Variants in VASP observed in about 807,000 individuals in gnomAD.
VASP encodes vasodilator-stimulated phosphoprotein.
VASP carries 27 observed loss-of-function variants against 54.4 expected under a neutral mutation model. The observed-to-expected ratio is 0.50, with a 90% CI of 0.37 to 0.68. VASP has a LOEUF of 0.68. VASP is among the 30% of genes least tolerant of loss of function. VASP has a pLI of 0.00. For missense variants in VASP, 488 were observed against 528.3 expected, an observed-to-expected ratio of 0.92 and a Z score of 0.75; for synonymous variants, 233 against 209.8, an observed-to-expected ratio of 1.11 and a Z score of -0.96.
At chr19:45,521,256 G>C (rs1599937241) in intron 3 of VASP, 66 bp from the exon 4 acceptor site, 2 of 1,464,858 alleles carry the variant, frequency 1.4e-6, no homozygotes, top group East Asian at 2.5e-5. Context: ...GGGAGAGCAA[G>C]GGAAGCGCCA....
intron 1 of VASP, among the ~76,000 whole-genome samples, chr19:45,513,519 T>C (rs917291306): frequency 1.0e-4 from 15 of 143,686 alleles, no homozygotes; most frequent in Admixed American, 2.2e-4. Flanking sequence ...TCTCCCAGAC[T>C]GGAGTGCAGT....
At chr19:45,508,614 G>C (rs892828685) in intron 1 of VASP, among the ~76,000 whole-genome samples, 1 of 152,148 alleles carries the variant, frequency 6.6e-6, no homozygotes, top group African/African-American at 2.4e-5. Context: ...CAGCTGGTGT[G>C]GGGGGCGGGC....
rs1968514285 is a variant in VASP at position 45,507,702 on chromosome 19, C to G, written c.-70C>G. ...CGAGCCCGGAGCCAGCCCCGAACCC[C>G]TGAACCTCCAGCCAGGGGCGCCCCG... On this transcript the variant is annotated 5_prime_UTR_variant, in exon 1 of 13. Coordinates refer to ENST00000245932, the MANE Select transcript of VASP (RefSeq NM_003370.4). The surrounding 1 kb of genome is among the most constrained non-coding windows in gnomAD (Gnocchi z 4.4). The G allele has an allele frequency of 6.6e-7, 1 of 1,514,198 alleles. No individual in the cohort carries two copies. Among genetic ancestry groups the G allele is most frequent in the African/African-American group, 1.4e-5 (1 of 69,894 alleles). The allele number at this position is 1,514,198 out of a possible 1,614,324, so 93.8% of individuals were successfully genotyped here. A position where few individuals can be genotyped will look rare whatever the true frequency, so the allele number is the denominator to read the frequency against.
At chr19:45,510,084 T>G (rs530594260) in intron 1 of VASP, among the ~76,000 whole-genome samples, 1 of 152,272 alleles carries the variant, frequency 6.6e-6, no homozygotes, top group Admixed American at 6.5e-5. Flanking sequence ...AGAAGGGACT[T>G]GGGGAGAACT....
rs777536432 is a variant in VASP, at chr19:45,522,356, C to T, written c.495C>T (p.Pro165=). ...TTGTTTCAGGAGGCCCACCTGCTCC[C>T]CCCGCTGGGGGTCCACCCCCACCAC... The part of the protein sequence containing the change: ...RVSNAGGPPA[P]PAGGPPPPPG... The change falls in exon 6 of 13, where the codon CCC becomes CCT. Residue 165 remains proline (P), a synonymous_variant. Coordinates refer to ENST00000245932, the MANE Select transcript of VASP (RefSeq NM_003370.4). The T allele has an allele frequency of 4.4e-6, 7 of 1,582,140 alleles. No homozygotes were observed. Among genetic ancestry groups the T allele is most frequent in the African/African-American group, 2.7e-5 (2 of 74,130 alleles).
intron 3 of VASP, 39 bp downstream of exon 3, chr19:45,518,133 G>C (rs763672299): frequency 6.3e-7 from 1 of 1,596,532 alleles, no homozygotes; most frequent in African/African-American, 1.3e-5. Context: ...CAGTGAATGC[G>C]GCTGTGTGGC....
chr19:45,507,688 CCA>C lies in VASP; in HGVS notation c.-83_-82del. 1 of 1,497,880 alleles carries C rather than the reference CCA, an allele frequency of 6.7e-7. No homozygotes were observed. The highest frequency in any genetic ancestry group is 2.7e-5 in the East Asian group (1 of 37,370). 92.8% of individuals were successfully genotyped at this position (1,497,880 alleles called of 1,614,324 possible). A position where few individuals can be genotyped will look rare whatever the true frequency, so the allele number is the denominator to read the frequency against. On this transcript the variant is annotated 5_prime_UTR_variant, in exon 1 of 13. Transcript: ENST00000245932. This position sits in a 1 kb window ranked among gnomAD's most constrained non-coding sequence, Gnocchi z 4.4. The stretch of plus-strand genomic sequence containing the variant: ...GGGGGAGCCTGAGCCGAGCCCGGAG[CCA>C]GCCCCGAACCCCTGAACCTCCAGCC...
Position 45,524,884 on chromosome 19 carries a change from G to A in VASP, c.1047+224G>A, listed in dbSNP as rs748399429. On this transcript the variant is annotated intron_variant, in intron 11 of 12. Transcript: ENST00000245932. ...ATCACCGCGCTCATTCCAGATGAGTGCCTTGAATTCTTTCCGCACATTGAC... is the reference window on the plus strand; with the variant it reads ...ATCACCGCGCTCATTCCAGATGAGTACCTTGAATTCTTTCCGCACATTGAC... The A allele has an allele frequency of 4.0e-5, 18 of 454,528 alleles. No homozygotes were observed. The South Asian group carries it at 4.1e-4, about 10-fold the overall frequency. 28.2% of individuals were successfully genotyped at this position (454,528 alleles called of 1,614,324 possible). A position where few individuals can be genotyped will look rare whatever the true frequency, so the allele number is the denominator to read the frequency against.
At position 45,523,635 on chromosome 19, in the gene VASP, C is replaced by G. The variant is rs769890209; in HGVS notation, c.822-9C>G. ...CGGAAGCACGTGTTTTTGCTTTTCT[C>G]TCCTGCAGAAGGAAAGCCACGCAAG... is the stretch of plus-strand genomic sequence containing the variant. On this transcript the variant is annotated splice_polypyrimidine_tract_variant and intron_variant, in intron 7 of 12. Coordinates refer to ENST00000245932, the MANE Select transcript of VASP (RefSeq NM_003370.4). The G allele has an allele frequency of 1.9e-6, 3 of 1,613,846 alleles. No individual in the cohort carries two copies. Among genetic ancestry groups the G allele is most frequent in the Admixed American group, 1.7e-5 (1 of 59,946 alleles).
In VASP at chr19:45,522,159, C is replaced by T. The variant is rs1433083284; in HGVS notation, c.429-9C>T. ...TGATTGACGGCAGCTCTCTCGCCTCCCCCCACAGGCAGCAGCCCGGCCCGT... is the reference window on the plus strand; with the variant it reads ...TGATTGACGGCAGCTCTCTCGCCTCTCCCCACAGGCAGCAGCCCGGCCCGT... On this transcript the variant is annotated splice_polypyrimidine_tract_variant and intron_variant, in intron 4 of 12. Transcript: ENST00000245932. 1.2e-6 allele frequency: 2 copies of T among 1,613,710 alleles called. No homozygotes were observed. Among genetic ancestry groups the T allele is most frequent in the South Asian group, 2.2e-5 (2 of 91,066 alleles).
At chr19:45,524,046 T>C (rs751788319) in intron 9 of VASP, 51 bp from the exon 10 acceptor site, 2 of 1,596,936 alleles carry the variant, frequency 1.3e-6, no homozygotes, top group South Asian at 2.2e-5. Flanking sequence ...TAAGATTGAT[T>C]GGGGGGCAGT....
At chr19:45,522,028 C>T (rs1157508165) in intron 4 of VASP, 140 bp from the exon 5 acceptor site, 4 of 1,094,690 alleles carry the variant, frequency 3.7e-6, no homozygotes, top group Non-Finnish European at 5.2e-6. Flanking sequence ...TTCTTGGTTC[C>T]CTAGGGGAGG....
At chr19:45,524,393 G>A in intron 10 of VASP, 177 bp from the exon 11 acceptor site, 1 of 678,796 alleles carries the variant, frequency 1.5e-6, no homozygotes, top group Non-Finnish European at 2.5e-6. Flanking sequence ...GAATGTGACT[G>A]TCTCAAAACA....
At chr19:45,521,296 A>G (rs914553383) in intron 3 of VASP, 26 bp from the exon 4 acceptor site, 4 of 1,552,046 alleles carry the variant, frequency 2.6e-6, no homozygotes, top group South Asian at 1.2e-5. Context: ...GGACTGATCC[A>G]TGGCCCTTTC....
chr19:45,524,351 A>G, intron 10 of VASP: 1 of 687,176 alleles, frequency 1.5e-6, no homozygotes, highest in East Asian at 2.7e-5. Context: ...TCAGCGAGCC[A>G]TCATCATGCC....
chr19:45,509,768 C>T lies in VASP; in HGVS notation c.5+1992C>T, dbSNP rs141212148. ...CCAAGGACAGCCAGAATTCAAAACC[C>T]ATGCCCCTATTACCCAGCTGGGGAA... On this transcript the variant is annotated intron_variant, in intron 1 of 12. Transcript: ENST00000245932. Among the ~76,000 whole-genome samples, 542 of 152,336 alleles carry T rather than the reference C, an allele frequency of 3.6e-3. 1 individual carries two copies. The highest frequency in any genetic ancestry group is 0.012 in the African/African-American group (510 of 41,566).
chr19:45,510,819 G>A (rs1399018516), intron 1 of VASP, among the ~76,000 whole-genome samples: 2 of 151,848 alleles, frequency 1.3e-5, no homozygotes, highest in East Asian at 1.9e-4. Flanking sequence ...TGTAGTTCCA[G>A]CTACTCTGGA....
intron 7 of VASP, among the ~76,000 whole-genome samples, chr19:45,523,106 G>A (rs933933619): frequency 8.7e-5 from 13 of 149,364 alleles, no homozygotes; most frequent in South Asian, 2.1e-4. Context: ...ACACAGCACC[G>A]CTCCACCCTC....
intron 3 of VASP, among the ~76,000 whole-genome samples, chr19:45,518,912 A>T (rs906254118): frequency 2.0e-5 from 3 of 150,986 alleles, no homozygotes; most frequent in East Asian, 3.9e-4. Flanking sequence ...GCTCACTGCA[A>T]CCTCCACCTC....
Sources: gnomAD v4.1 joint callset for allele counts (sites outside exome capture counted in the v4.1 genomes callset) on GRCh38, gnomAD v4.1.1 for gene constraint, Gnocchi (gnomAD v3.1) non-coding constraint, MANE v1.5 for transcripts, NCBI Gene and HGNC (gene_info 2026-07-23, HGNC 2026-07-21) for gene names.